The following RAB38 variants were observed in gnomAD, a reference collection of about 807,000 sequenced individuals.
RAB38 encodes the protein ras-related protein Rab-38.
In RAB38, 15 loss-of-function variants were observed where a neutral mutation model predicts 18.4. That is an observed-to-expected ratio of 0.82 (90% confidence interval 0.55 to 1.26). RAB38 has a LOEUF of 1.26. Among genes scored for constraint, RAB38 ranks in the 50% most tolerant of loss-of-function variants. The probability of loss-of-function intolerance (pLI) is 0.00; values close to 1 mark genes in which losing one functional copy is unlikely to be tolerated. For synonymous variants in RAB38, 101 were observed against 104.4 expected (o/e 0.97, Z 0.20); for missense variants, 294 against 267.4 (o/e 1.10, Z -0.69).
the RAB38 span, among the ~76,000 whole-genome samples, chr11:87,890,490 T>TGTTA: frequency 1.3e-5 from 2 of 151,862 alleles, no homozygotes; most frequent in Non-Finnish European, 2.9e-5. Flanking sequence ...ATCCGATCCT[T>TGTTA]GTTACTTTCA....
At chr11:87,822,212 T>G in the RAB38 span, among the ~76,000 whole-genome samples, 1 of 151,738 alleles carries the variant, frequency 6.6e-6, no homozygotes, top group Admixed American at 6.6e-5. Context: ...ATAGTAGAAA[T>G]AAATCCAAAA....
the RAB38 span, among the ~76,000 whole-genome samples, chr11:87,822,128 A>G: frequency 6.6e-6 from 1 of 152,124 alleles, no homozygotes; most frequent in Non-Finnish European, 1.5e-5. Context: ...TACCAGAACA[A>G]TTCAAGAGAA....
the RAB38 span, among the ~76,000 whole-genome samples, chr11:87,968,527 T>C: frequency 6.6e-6 from 1 of 152,200 alleles, no homozygotes; most frequent in East Asian, 1.9e-4. Context: ...ACAGAAATAG[T>C]GGTGGTGAGT....
chr11:87,925,839 C>T, the RAB38 span, among the ~76,000 whole-genome samples: 1 of 151,832 alleles, frequency 6.6e-6, no homozygotes, highest in African/African-American at 2.4e-5. Context: ...ACTATAAAGC[C>T]TTTGTCTATC....
the RAB38 span, among the ~76,000 whole-genome samples, chr11:88,099,523 T>C: frequency 1.9e-3 from 290 of 151,978 alleles, no homozygotes; most frequent in African/African-American, 6.5e-3. Context: ...TGTTATCAAT[T>C]AGAATCTCCT....
the RAB38 span, among the ~76,000 whole-genome samples, chr11:87,942,606 C>T: frequency 1.3e-5 from 2 of 152,048 alleles, no homozygotes; most frequent in South Asian, 4.1e-4. Context: ...AAATAAACTT[C>T]CCTGCTGGTA....
the RAB38 span, among the ~76,000 whole-genome samples, chr11:88,066,028 C>T: frequency 1.3e-5 from 2 of 152,356 alleles, no homozygotes; most frequent in African/African-American, 2.4e-5. Flanking sequence ...TGCAAAGGCA[C>T]TGCAGACTGC....
the RAB38 span, among the ~76,000 whole-genome samples, chr11:88,080,333 C>A: frequency 1.3e-5 from 2 of 151,686 alleles, no homozygotes; most frequent in African/African-American, 4.8e-5. Flanking sequence ...AATAAATATG[C>A]AACATTCATA....
intron 1 of RAB38, among the ~76,000 whole-genome samples, chr11:88,156,312 T>C (rs1447530566): frequency 6.6e-6 from 1 of 152,186 alleles, no homozygotes; most frequent in African/African-American, 2.4e-5. Flanking sequence ...GGAAACCCCA[T>C]TTGGCTAACA....
chr11:87,934,995 G>C, the RAB38 span, among the ~76,000 whole-genome samples: 57 of 152,126 alleles, frequency 3.7e-4, no homozygotes, highest in African/African-American at 1.3e-3. Context: ...TGTGGCCACG[G>C]TGTAGAGCCC....
chr11:88,007,973 C>A, the RAB38 span, among the ~76,000 whole-genome samples: 1 of 151,982 alleles, frequency 6.6e-6, no homozygotes, highest in African/African-American at 2.4e-5. Flanking sequence ...GTAAAGAAGT[C>A]AGACACAAGA....
chr11:87,934,374 C>T, the RAB38 span, among the ~76,000 whole-genome samples: 1 of 152,098 alleles, frequency 6.6e-6, no homozygotes, highest in Non-Finnish European at 1.5e-5. Context: ...AAAATTATTT[C>T]TGCCATGTCA....
At chr11:88,092,805 G>C in the RAB38 span, among the ~76,000 whole-genome samples, 1 of 151,718 alleles carries the variant, frequency 6.6e-6, no homozygotes, top group Non-Finnish European at 1.5e-5. Context: ...GTTAACATTT[G>C]AAAGACTCTA....
chr11:87,895,194 G>A, the RAB38 span, among the ~76,000 whole-genome samples: 2 of 150,068 alleles, frequency 1.3e-5, no homozygotes, highest in East Asian at 4.0e-4. Context: ...GCTGATGAGG[G>A]TGTTTGCTAA....
At chr11:87,910,430 C>A in the RAB38 span, among the ~76,000 whole-genome samples, 2 of 151,670 alleles carry the variant, frequency 1.3e-5, no homozygotes, top group African/African-American at 2.4e-5. Flanking sequence ...CTTTTAGCAG[C>A]GACTTTTGAA....
chr11:88,149,491 A>G (rs986206697), intron 2 of RAB38, among the ~76,000 whole-genome samples, 184 bp downstream of exon 2: 3 of 152,192 alleles, frequency 2.0e-5, no homozygotes, highest in African/African-American at 4.8e-5. Flanking sequence ...ATGATCTTAA[A>G]TTGTAGATAA....
intron 1 of RAB38, chr11:88,174,209 T>C (rs982194628): frequency 3.7e-6 from 2 of 544,442 alleles, no homozygotes; most frequent in Middle Eastern, 9.0e-4. Context: ...ACTGAGCAGG[T>C]TAGTTAGTGG....
intron 1 of RAB38, among the ~76,000 whole-genome samples, chr11:88,168,778 T>C (rs1943273949): frequency 1.3e-5 from 2 of 152,178 alleles, no homozygotes; most frequent in Non-Finnish European, 1.5e-5. Flanking sequence ...AGAGACATCC[T>C]GGGTTTCCTT....
At chr11:88,129,983 T>C (rs1470167894) in intron 2 of RAB38, among the ~76,000 whole-genome samples, 1 of 152,012 alleles carries the variant, frequency 6.6e-6, no homozygotes, top group Non-Finnish European at 1.5e-5. Context: ...TGTAGGAAGT[T>C]CTAATATCTT....
Sources: gnomAD v4.1 joint callset for allele counts (sites outside exome capture counted in the v4.1 genomes callset) on GRCh38, gnomAD v4.1.1 for gene constraint, MANE v1.5 for transcripts, NCBI Gene and HGNC (gene_info 2026-07-23, HGNC 2026-07-21) for gene names.